The following ADARB2 variants were observed in gnomAD, a reference collection of about 807,000 sequenced individuals.
ADARB2 encodes inactive double-stranded RNA-specific editase B2.
ADARB2 carries 25 observed loss-of-function variants against 62.2 expected under a neutral mutation model. That is an observed-to-expected ratio of 0.40 (90% CI 0.29 to 0.56). The LOEUF (loss-of-function observed/expected upper bound fraction) is 0.56, where lower values mean the gene tolerates loss of function less well. Ranked by LOEUF, ADARB2 falls within the 20% of genes least tolerant of loss-of-function variation. The probability of loss-of-function intolerance (pLI) is 0.43; values close to 1 mark genes in which losing one functional copy is unlikely to be tolerated. For missense variants in ADARB2, 1,071 were observed against 1,077.4 expected, an observed-to-expected ratio of 0.99 and a Z score of 0.08; for synonymous variants, 572 against 500.8, an observed-to-expected ratio of 1.14 and a Z score of -1.90.
chr10:1,277,205 A>AAG lies in ADARB2; in HGVS notation c.1078-6137_1078-6136insCT, dbSNP rs1564244327. Among the ~76,000 whole-genome samples, 5 of 152,034 alleles carry AAG rather than the reference A, an allele frequency of 3.3e-5. No homozygotes were observed. In the East Asian group the frequency reaches 7.7e-4, roughly 24 times the overall value. ...CATCACAATGAAAAGAACTAGAGAC[A>AAG]CAAGAGCAAACACATTCAAAAGCTA... On this transcript the variant is annotated intron_variant, in intron 3 of 9. Transcript: ENST00000381312.
At chr10:1,470,814 A>G (rs187791948) in intron 1 of ADARB2, among the ~76,000 whole-genome samples, 3 of 152,304 alleles carry the variant, frequency 2.0e-5, no homozygotes, top group Admixed American at 2.0e-4. Flanking sequence ...TAATCCCAGC[A>G]CTTTGGGAGG....
intron 1 of ADARB2, among the ~76,000 whole-genome samples, chr10:1,668,328 G>T (rs1167551934): frequency 6.6e-6 from 1 of 152,156 alleles, no homozygotes; most frequent in Non-Finnish European, 1.5e-5. Context: ...GCTCCCTCTA[G>T]GAATGAGGCA....
rs1412616634 is a variant in ADARB2 at position 1,558,353 on chromosome 10, T to C, written c.100+178698A>G. ...TCCGCATCCCACCTCTGTCCCATTC[T>C]GTGGGTGCTCAGCCCCCGCATGCTC... On this transcript the variant is annotated intron_variant, in intron 1 of 9. Transcript: ENST00000381312. 2.7e-4 allele frequency among the ~76,000 whole-genome samples: 17 copies of C among 62,152 alleles called. 1 individual carries two copies. The highest frequency in any genetic ancestry group is 0.011 in the Middle Eastern group (1 of 92). The allele number at this position is 62,152 out of a possible 152,430, so 40.8% of individuals were successfully genotyped here.
At chr10:1,213,537 A>C (rs1564222701) in intron 7 of ADARB2, among the ~76,000 whole-genome samples, 2 of 152,194 alleles carry the variant, frequency 1.3e-5, no homozygotes, top group East Asian at 3.9e-4. Context: ...CTGTCACCAG[A>C]CTCGGGGATG....
chr10:1,524,060 AGATAGATAGATAGAT>A (rs1158488596), intron 1 of ADARB2, among the ~76,000 whole-genome samples: 3 of 66,430 alleles, frequency 4.5e-5, no homozygotes, highest in Non-Finnish European at 9.1e-5. Flanking sequence ...GGGGATATGA[AGATAGATAGATAGAT>A]AGATAGATAG....
At chr10:1,400,446 G>A (rs1832652081) in intron 1 of ADARB2, among the ~76,000 whole-genome samples, 1 of 152,184 alleles carries the variant, frequency 6.6e-6, no homozygotes, top group Non-Finnish European at 1.5e-5. Context: ...AGTCACGGCA[G>A]CACATGGAGA....
At position 1,630,203 on chromosome 10, in the gene ADARB2, G is replaced by A. The variant is rs536446055; in HGVS notation, c.100+106848C>T. ...AAACATTCATGAAGGGTCCACTGTGGCCAGAGACCATTCTGGGTCCATGAA... is the reference window on the plus strand; with the variant it reads ...AAACATTCATGAAGGGTCCACTGTGACCAGAGACCATTCTGGGTCCATGAA... On this transcript the variant is annotated intron_variant, in intron 1 of 9. Transcript: ENST00000381312. 7.2e-5 allele frequency among the ~76,000 whole-genome samples: 11 copies of A among 152,248 alleles called. No homozygotes were observed. In the South Asian group the frequency reaches 2.3e-3, roughly 32 times the overall value.
chr10:1,339,157 C>T (rs1422180784), intron 3 of ADARB2, among the ~76,000 whole-genome samples: 2 of 152,204 alleles, frequency 1.3e-5, no homozygotes, highest in Non-Finnish European at 2.9e-5. Flanking sequence ...GAGATGTCTT[C>T]CTGCCACGCC....
At chr10:1,319,857 T>A (rs1295838771) in intron 3 of ADARB2, among the ~76,000 whole-genome samples, 1 of 152,248 alleles carries the variant, frequency 6.6e-6, no homozygotes, top group African/African-American at 2.4e-5. Flanking sequence ...CTTTTCCTTA[T>A]GAATATAAAT....
rs68142520 is a variant in ADARB2 at position 1,327,697 on chromosome 10, TCA to T, written c.1077+35329_1077+35330del. 2.5e-4 allele frequency among the ~76,000 whole-genome samples: 11 copies of T among 43,852 alleles called. 2 individuals are homozygous for T. Among genetic ancestry groups the T allele is most frequent in the South Asian group, 7.6e-4 (1 of 1,310 alleles). 28.8% of individuals were successfully genotyped at this position (43,852 alleles called of 152,430 possible). ...CGCCTCCTCACTGCACAGCGCCTCG[TCA>T]CAGTTTAGTGCCTACCCACAGTTCA... On this transcript the variant is annotated intron_variant, in intron 3 of 9. Transcript: ENST00000381312.
intron 3 of ADARB2, among the ~76,000 whole-genome samples, chr10:1,320,474 A>G (rs561690151): frequency 6.6e-6 from 1 of 152,306 alleles, no homozygotes; most frequent in East Asian, 1.9e-4. Flanking sequence ...CAAGACCTCA[A>G]TTTCACGTCT....
intron 3 of ADARB2, among the ~76,000 whole-genome samples, chr10:1,284,711 C>G (rs1367236048): frequency 6.6e-6 from 1 of 152,170 alleles, no homozygotes; most frequent in Non-Finnish European, 1.5e-5. Flanking sequence ...CTGTGGCAGC[C>G]TATCTTCATG....
chr10:1,530,965 T>G (rs747775653), intron 1 of ADARB2, among the ~76,000 whole-genome samples: 3 of 152,094 alleles, frequency 2.0e-5, no homozygotes, highest in African/African-American at 4.8e-5. Context: ...CACGCAGGTC[T>G]CAGCACTCAG....
chr10:1,265,351 A>G (rs964829150), intron 4 of ADARB2, among the ~76,000 whole-genome samples: 1 of 152,264 alleles, frequency 6.6e-6, no homozygotes, highest in Non-Finnish European at 1.5e-5. Flanking sequence ...ATGAAACACA[A>G]GAGTTTCTAA....
chr10:1,242,067 C>G, intron 5 of ADARB2, 64 bp downstream of exon 5: 2 of 1,509,078 alleles, frequency 1.3e-6, no homozygotes, highest in Non-Finnish European at 1.8e-6. Context: ...GGGGCCCCAT[C>G]TGCTCCCTGG....
At chr10:1,672,682 ACTTCCCTTTCCTCCTTCC>A (rs1834405414) in intron 1 of ADARB2, among the ~76,000 whole-genome samples, 1 of 66,328 alleles carries the variant, frequency 1.5e-5, no homozygotes, top group Non-Finnish European at 4.1e-5. Context: ...CCACGCACGC[ACTTCCCTTTCCTCCTTCC>A]AGGCCCCCCG....
chr10:1,383,002 G>T (rs1283488639), intron 1 of ADARB2, among the ~76,000 whole-genome samples: 1 of 152,232 alleles, frequency 6.6e-6, no homozygotes, highest in Non-Finnish European at 1.5e-5. Context: ...AGAGTCAAGA[G>T]TCTTTTTCAG....
At chr10:1,501,494 C>G (rs1457190565) in intron 1 of ADARB2, among the ~76,000 whole-genome samples, 2 of 152,228 alleles carry the variant, frequency 1.3e-5, no homozygotes, top group Non-Finnish European at 2.9e-5. Flanking sequence ...ACTCAAGAAT[C>G]TGCATTAGAA....
At chr10:1,648,656 C>A (rs1392278002) in intron 1 of ADARB2, among the ~76,000 whole-genome samples, 1 of 152,206 alleles carries the variant, frequency 6.6e-6, no homozygotes, top group Non-Finnish European at 1.5e-5. Flanking sequence ...AGCTCTGGTA[C>A]TCTTTGAGCT....
Sources: allele counts gnomAD v4.1 joint callset (sites outside exome capture counted in the v4.1 genomes callset), GRCh38; gene constraint gnomAD v4.1.1; transcripts MANE v1.5; gene names NCBI Gene and HGNC (gene_info 2026-07-23, HGNC 2026-07-21).